Variants in FAAP20 observed in about 807,000 individuals in gnomAD.
FAAP20 encodes FA core complex associated protein 20, also known as Fanconi anemia core complex-associated protein 20.
A neutral mutation model predicts 16.2 loss-of-function variants in FAAP20; 12 were observed. The ratio of observed to expected loss-of-function variants is 0.74; its 90% CI spans 0.48 to 1.20. The LOEUF (loss-of-function observed/expected upper bound fraction) is 1.20. Ranked by LOEUF, FAAP20 falls within the 50% of genes most tolerant of loss-of-function variation. FAAP20 has a pLI of 0.00. For synonymous variants in FAAP20, 141 were observed against 110.7 expected (o/e 1.27, Z -1.72); for missense variants, 288 against 245.8 (o/e 1.17, Z -1.15).
downstream of FAAP20, among the ~76,000 whole-genome samples, chr1:2,188,513 G>C (rs922695072): frequency 6.6e-6 from 1 of 152,180 alleles, no homozygotes; most frequent in African/African-American, 2.4e-5. Flanking sequence ...AAGGAGCAAG[G>C]GAACTCCCCA....
chr1:2,184,918 A>G (rs143732365), downstream of FAAP20: 205 of 1,612,696 alleles, frequency 1.3e-4, 2 homozygotes, highest in African/African-American at 2.3e-3. Context: ...ACCTTTGCCC[A>G]CAGGGATGCC....
chr1:2,211,318 C>T (rs1412081581), downstream of FAAP20, among the ~76,000 whole-genome samples: 9 of 137,872 alleles, frequency 6.5e-5, no homozygotes, highest in East Asian at 4.1e-4. Flanking sequence ...CAACCTCCGC[C>T]GCTCAGGTTC....
rs769085065 is a variant in FAAP20, at chr1:2,193,710, C to T, written c.399G>A (p.Glu133=). ...CGGCACCCTCCACAGACGGCTGCTGCTCCACCCTGGGGGCCCTGCAGGGAT... is the reference window on the plus strand; with the variant it reads ...CGGCACCCTCCACAGACGGCTGCTGTTCCACCCTGGGGGCCCTGCAGGGAT... The part of the protein sequence containing the change: ...APDPCRAPRV[E]QQPSVEGAAA... Residue 133 remains glutamate, a synonymous_variant, in exon 3 of 4, where the codon GAG becomes GAA. Coordinates refer to ENST00000378546, the MANE Select transcript of FAAP20 (RefSeq NM_182533.4). 1.3e-6 allele frequency: 2 copies of T among 1,592,986 alleles called. No homozygotes were observed. The highest frequency in any genetic ancestry group is 2.3e-5 in the South Asian group (2 of 88,782).
chr1:2,194,904 A>ACC, upstream of FAAP20: 1 of 680,824 alleles, frequency 1.5e-6, no homozygotes, highest in Non-Finnish European at 1.9e-6. Context: ...CTGTAGGGAA[A>ACC]CTGAGGCCAG....
downstream of FAAP20, chr1:2,185,348 A>G (rs1465088032): frequency 7.0e-6 from 5 of 718,836 alleles, 1 homozygote; most frequent in South Asian, 7.4e-5. Context: ...CCGCCAGGAA[A>G]GTGAGCGTGT....
At chr1:2,184,603 C>T (rs771614705), downstream of FAAP20, 10 of 1,613,784 alleles carry the variant, frequency 6.2e-6, no homozygotes, top group South Asian at 7.7e-5. Flanking sequence ...AGCAGGCGCT[C>T]CCTCCATTCC....
chr1:2,209,983 C>T (rs1312184902), downstream of FAAP20, among the ~76,000 whole-genome samples: 2 of 152,216 alleles, frequency 1.3e-5, no homozygotes, highest in African/African-American at 4.8e-5. Flanking sequence ...ACTGGGCCCC[C>T]TCTTGAGAGG....
At chr1:2,197,006 C>T (rs1243132339), upstream of FAAP20, among the ~76,000 whole-genome samples, 1 of 152,176 alleles carries the variant, frequency 6.6e-6, no homozygotes, top group African/African-American at 2.4e-5. Flanking sequence ...TGGCTCCTGC[C>T]TCCTCCTCCT....
downstream of FAAP20, among the ~76,000 whole-genome samples, chr1:2,209,646 C>T (rs1689382569): frequency 6.6e-6 from 1 of 152,234 alleles, no homozygotes; most frequent in African/African-American, 2.4e-5. Context: ...GATCCTGAGC[C>T]AACAGGGGGA....
upstream of FAAP20, chr1:2,199,020 C>T: frequency 8.0e-7 from 1 of 1,250,380 alleles, no homozygotes; most frequent in Non-Finnish European, 1.0e-6. The surrounding 1 kb of genome is among the most constrained non-coding windows in gnomAD (Gnocchi z 4.5). Context: ...GCCTTGGTGC[C>T]CTTGGGCACC....
At chr1:2,211,608 C>T (rs1428699576), downstream of FAAP20, among the ~76,000 whole-genome samples, 5 of 149,760 alleles carry the variant, frequency 3.3e-5, no homozygotes, top group East Asian at 3.9e-4. Flanking sequence ...CCACCACGCC[C>T]GGCTAATTTT....
chr1:2,195,856 G>C (rs1170410493), upstream of FAAP20, among the ~76,000 whole-genome samples: 2 of 152,216 alleles, frequency 1.3e-5, no homozygotes, highest in African/African-American at 4.8e-5. Context: ...ACACCTTCCT[G>C]CTCTAGATGC....
At chr1:2,208,199 C>A (rs1168204226), downstream of FAAP20, among the ~76,000 whole-genome samples, 1 of 152,046 alleles carries the variant, frequency 6.6e-6, no homozygotes, top group Non-Finnish European at 1.5e-5. Context: ...GGCCCTAGGG[C>A]CTGGGCTTCT....
At chr1:2,190,191 G>A (rs1479882726) in intron 3 of FAAP20, 1 of 469,592 alleles carries the variant, frequency 2.1e-6, no homozygotes, top group Non-Finnish European at 4.2e-6. Context: ...GGAGGCAGAA[G>A]AGTAAACATG....
At chr1:2,187,476 G>GT (rs1433778349), downstream of FAAP20, among the ~76,000 whole-genome samples, 1 of 151,258 alleles carries the variant, frequency 6.6e-6, no homozygotes, top group African/African-American at 2.4e-5. Context: ...GCTAATTTTT[G>GT]TATTTTTAGT....
downstream of FAAP20, chr1:2,186,117 C>T (rs1196765872): frequency 8.8e-6 from 4 of 452,154 alleles, no homozygotes; most frequent in Middle Eastern, 6.5e-4. Flanking sequence ...GAGAGGGGGT[C>T]GCGCCACCTC....
chr1:2,212,033 G>C (rs1176567796), downstream of FAAP20: 1 of 151,494 alleles, frequency 6.6e-6, no homozygotes, highest in Non-Finnish European at 1.5e-5. Flanking sequence ...CTCCCGAGTA[G>C]CTGGGACTAC....
rs373976232 is a variant in FAAP20, at chr1:2,194,098, C to A, written c.98G>T (p.Gly33Val). 2 of 1,612,376 alleles carry A rather than the reference C, an allele frequency of 1.2e-6. No individual in the cohort carries two copies. The highest frequency in any genetic ancestry group is 1.1e-5 in the South Asian group (1 of 91,068). The part of the protein sequence containing the change: ...SGGRPWFLLG[G>V]DERERLWAEL... ...GGCCCAGAGCCGCTCCCGCTCATCA[C>A]CCCCCAGGAGAAACCAGGGGCGGCC... Residue 33 changes from glycine (G) to valine (V), a missense_variant, in exon 2 of 4, where the codon GGT becomes GTT. Physicochemically the swap from Gly to Val is moderately radical, Grantham distance 109. Transcript: ENST00000378546.
intron 3 of FAAP20, chr1:2,190,151 C>A (rs759940245): frequency 6.0e-6 from 3 of 498,950 alleles, no homozygotes; most frequent in Non-Finnish European, 1.2e-5. Context: ...GGGTGGCCTG[C>A]CAGGGAGAGC....
Sources: gnomAD v4.1 joint callset for allele counts (sites outside exome capture counted in the v4.1 genomes callset) on GRCh38, gnomAD v4.1.1 for gene constraint, Gnocchi (gnomAD v3.1) non-coding constraint, MANE v1.5 for transcripts, NCBI Gene and HGNC (gene_info 2026-07-23, HGNC 2026-07-21) for gene names.